C12orf76: variants seen among roughly 807,000 people sequenced by gnomAD.
The protein encoded by C12orf76 is chromosome 12 open reading frame 76.
Under a neutral mutation model 6.8 loss-of-function variants are expected in C12orf76, and 6 were observed. That is an observed-to-expected ratio of 0.88 (90% CI 0.48 to 1.73). C12orf76 has a LOEUF of 1.73. C12orf76 is among the 40% of genes most tolerant of loss of function. The pLI, the probability that C12orf76 is intolerant of heterozygous loss-of-function variation, is 0.01. For synonymous variants in C12orf76, 56 were observed against 43.7 expected (o/e 1.28, Z -1.11); for missense variants, 99 against 98.2 (o/e 1.01, Z -0.03).
exon 2 of C12orf76, chr12:110,065,885 C>T (rs764746573): frequency 8.7e-6 from 14 of 1,614,066 alleles, no homozygotes; most frequent in Non-Finnish European, 1.2e-5. Context: ...GCTGTCCTTG[C>T]TGTTCCTCTT....
chr12:110,046,445 C>G (rs1892450560), intron 1 of C12orf76, among the ~76,000 whole-genome samples: 1 of 152,066 alleles, frequency 6.6e-6, no homozygotes, highest in African/African-American at 2.4e-5. Context: ...AAATAAATAC[C>G]AACTGTACGG....
chr12:110,068,472 C>T (rs1473731658), upstream of C12orf76, among the ~76,000 whole-genome samples: 1 of 152,156 alleles, frequency 6.6e-6, no homozygotes, highest in East Asian at 1.9e-4. Flanking sequence ...AATAAATTCC[C>T]CTTTGAGGCT....
chr12:110,057,195 A>C (rs566943890), exon 4 of C12orf76: 2 of 1,609,074 alleles, frequency 1.2e-6, no homozygotes, highest in South Asian at 2.2e-5. Context: ...TTACCTTGGC[A>C]TTGCAGGTAG....
At chr12:110,068,074 G>A (rs992774659), upstream of C12orf76, among the ~76,000 whole-genome samples, 5 of 151,694 alleles carry the variant, frequency 3.3e-5, no homozygotes, top group African/African-American at 4.8e-5. Context: ...TTAGCTGGGC[G>A]TAGTGGGGCA....
At chr12:110,061,083 CAA>C (rs34382276) in intron 2 of C12orf76, among the ~76,000 whole-genome samples, 45 of 84,266 alleles carry the variant, frequency 5.3e-4, no homozygotes, top group Admixed American at 6.8e-4. Flanking sequence ...GACTCTGACT[CAA>C]AAAAAAAAAA....
chr12:110,068,330 A>G (rs940267478), upstream of C12orf76, among the ~76,000 whole-genome samples: 2 of 116,662 alleles, frequency 1.7e-5, no homozygotes, highest in Admixed American at 1.6e-4. Context: ...AAGAAGAAGA[A>G]GGCGGCCAAA....
At position 110,066,413 on chromosome 12, in the gene C12orf76, C is replaced by T. The variant is rs865819150; in HGVS notation, n.207-380G>A. 4.1e-5 allele frequency among the ~76,000 whole-genome samples: 5 copies of T among 121,624 alleles called. No individual in the cohort carries two copies. The South Asian group carries it at 8.5e-4, about 21-fold the overall frequency. 79.8% of individuals were successfully genotyped at this position (121,624 alleles called of 152,430 possible). On this transcript the variant is annotated intron_variant and non_coding_transcript_variant, in intron 1 of 4. Coordinates refer to the C12orf76 transcript ENST00000309050. ...AAAAAAAAAAAAAAAAACGGCTGGG[C>T]GCGGTGGCTCACGCCTGTAATCCCA... is the stretch of plus-strand genomic sequence containing the variant.
At chr12:110,060,967 G>A (rs1294340203) in intron 2 of C12orf76, among the ~76,000 whole-genome samples, 7 of 151,892 alleles carry the variant, frequency 4.6e-5, no homozygotes, top group East Asian at 3.9e-4. Flanking sequence ...CCCGGGAGGC[G>A]GAGGATGCAG....
chr12:110,048,332 C>T (rs978762014), intron 1 of C12orf76, 31 bp downstream of exon 1: 34 of 1,477,438 alleles, frequency 2.3e-5, no homozygotes, highest in Non-Finnish European at 2.7e-5. Context: ...TCAGGCACTA[C>T]CCGCCGCCCG....
At chr12:110,060,365 C>A (rs1892749313) in intron 2 of C12orf76, among the ~76,000 whole-genome samples, 1 of 152,182 alleles carries the variant, frequency 6.6e-6, no homozygotes, top group Non-Finnish European at 1.5e-5. Flanking sequence ...TCCAGTCTGG[C>A]TCCCACCCCC....
rs147005035 is a variant in C12orf76, at chr12:110,066,696, G to GAA, written n.207-665_207-664dup. On this transcript the variant is annotated intron_variant and non_coding_transcript_variant, in intron 1 of 4. Transcript: ENST00000309050. ...AGAGCAAAACTCTGTCTCAAAAAAA[G>GAA]AAAAAAAAAATCGGGAGCAGAGGGG... 8.0e-5 allele frequency among the ~76,000 whole-genome samples: 12 copies of GAA among 149,424 alleles called. No homozygotes were observed. The East Asian group carries it at 9.8e-4, about 12-fold the overall frequency.
chr12:110,059,021 A>G (rs763889596), exon 3 of C12orf76: 4 of 1,551,450 alleles, frequency 2.6e-6, no homozygotes, highest in South Asian at 2.4e-5. Flanking sequence ...TGTGGTATGA[A>G]TGAAGCGAGA....
At chr12:110,056,391 C>T (rs1176223724) in intron 4 of C12orf76, among the ~76,000 whole-genome samples, 4 of 152,140 alleles carry the variant, frequency 2.6e-5, no homozygotes, top group Non-Finnish European at 5.9e-5. Flanking sequence ...GAAGGCAAAG[C>T]TGCTGGTGCC....
At chr12:110,060,767 G>A (rs750777464) in intron 2 of C12orf76, among the ~76,000 whole-genome samples, 5 of 152,040 alleles carry the variant, frequency 3.3e-5, no homozygotes, top group African/African-American at 7.2e-5. Flanking sequence ...CAGGCGCAGT[G>A]GTTCATGCCT....
chr12:110,050,858 C>T, upstream of C12orf76: 1 of 605,892 alleles, frequency 1.7e-6, no homozygotes, highest in Non-Finnish European at 2.9e-6. Context: ...ATCCAAGAAC[C>T]CCCTCTTGGG....
intron 1 of C12orf76, among the ~76,000 whole-genome samples, chr12:110,066,367 T>TAAAAAAA (rs71079598): frequency 6.5e-5 from 1 of 15,296 alleles, no homozygotes; most frequent in African/African-American, 2.7e-4. Flanking sequence ...AGACTCCATC[T>TAAAAAAA]AAAAAAAAAA....
At chr12:110,063,501 G>A (rs1892810790) in intron 2 of C12orf76, among the ~76,000 whole-genome samples, 1 of 151,324 alleles carries the variant, frequency 6.6e-6, no homozygotes, top group Non-Finnish European at 1.5e-5. Context: ...TGTTGGTCAG[G>A]CTGGTCTCAA....
At chr12:110,067,502 CT>C in exon 1 of C12orf76, 1 of 985,432 alleles carries the variant, frequency 1.0e-6, no homozygotes, top group Non-Finnish European at 1.2e-6. Context: ...TCCTCACTTC[CT>C]TTTCCCATTT....
intron 2 of C12orf76, among the ~76,000 whole-genome samples, chr12:110,060,640 C>T (rs1892754609): frequency 6.6e-6 from 1 of 152,174 alleles, no homozygotes; most frequent in Admixed American, 6.5e-5. Context: ...TCTCCGGGGT[C>T]GGTTCTAGGC....
Sources: allele counts gnomAD v4.1 joint callset (sites outside exome capture counted in the v4.1 genomes callset), GRCh38; gene constraint gnomAD v4.1.1; transcripts MANE v1.5; gene names NCBI Gene and HGNC (gene_info 2026-07-23, HGNC 2026-07-21).